VANGL2: variants seen among roughly 807,000 people sequenced by gnomAD.
VANGL2 encodes VANGL planar cell polarity protein 2.
VANGL2 carries 14 observed loss-of-function variants against 50.2 expected under a neutral mutation model. The observed-to-expected ratio is 0.28, with a 90% CI of 0.18 to 0.44. The LOEUF is 0.44. Ranked by LOEUF, VANGL2 falls within the 20% of genes least tolerant of loss-of-function variation. The probability of loss-of-function intolerance (pLI) is 1.00; values close to 1 mark genes in which losing one functional copy is unlikely to be tolerated. For missense variants in VANGL2, 533 were observed against 701.5 expected (o/e 0.76, Z 2.71); for synonymous variants, 295 against 297.2 (o/e 0.99, Z 0.08).
chr1:160,408,189 C>T (rs368064195), intron 1 of VANGL2, among the ~76,000 whole-genome samples: 17 of 151,252 alleles, frequency 1.1e-4, no homozygotes, highest in African/African-American at 2.7e-4. Context: ...AGAGAGACAG[C>T]GGAGCAGGTC....
intron 1 of VANGL2, among the ~76,000 whole-genome samples, chr1:160,403,955 C>G (rs760737953): frequency 1.3e-5 from 2 of 152,184 alleles, no homozygotes; most frequent in African/African-American, 4.8e-5. Flanking sequence ...CTTTTTGAAG[C>G]CTCACCTGTA....
intron 1 of VANGL2, among the ~76,000 whole-genome samples, chr1:160,407,500 CAA>C (rs1052551513): frequency 6.6e-6 from 1 of 152,182 alleles, no homozygotes; most frequent in African/African-American, 2.4e-5. Context: ...CCTCACAGCT[CAA>C]CTCTCCCCAT....
At chr1:160,418,405 G>T (rs908320108) in intron 3 of VANGL2, among the ~76,000 whole-genome samples, 2 of 151,648 alleles carry the variant, frequency 1.3e-5, no homozygotes, top group African/African-American at 4.8e-5. Flanking sequence ...AAATCATTTA[G>T]TTCAGTGATT....
At chr1:160,412,558 G>A (rs189561466) in intron 1 of VANGL2, among the ~76,000 whole-genome samples, 2 of 152,250 alleles carry the variant, frequency 1.3e-5, no homozygotes, top group African/African-American at 4.8e-5. Flanking sequence ...CAGGTAGGGG[G>A]ATAAATAAGG....
chr1:160,416,383 G>A (rs749073834), intron 3 of VANGL2, among the ~76,000 whole-genome samples: 1 of 152,184 alleles, frequency 6.6e-6, no homozygotes, highest in Non-Finnish European at 1.5e-5. Context: ...AGATCCCTCT[G>A]GAAGCAGCAG....
chr1:160,409,018 A>G (rs1205850977), intron 1 of VANGL2, among the ~76,000 whole-genome samples: 4 of 152,164 alleles, frequency 2.6e-5, no homozygotes, highest in Non-Finnish European at 5.9e-5. Context: ...GGGTGCAGGA[A>G]CCACCCCTTT....
intron 7 of VANGL2, 100 bp downstream of exon 7, chr1:160,424,383 A>G (rs12087593): frequency 0.29 from 333,261 of 1,152,268 alleles, 50,579 homozygotes; most frequent in African/African-American, 0.36. Context: ...CTCACTGTCC[A>G]CCTCATTTCT....
At chr1:160,417,148 G>C (rs1208259934) in intron 3 of VANGL2, among the ~76,000 whole-genome samples, 1 of 152,114 alleles carries the variant, frequency 6.6e-6, no homozygotes, top group Non-Finnish European at 1.5e-5. Context: ...CAGAGGGCGG[G>C]GAGCAGACCC....
intron 1 of VANGL2, among the ~76,000 whole-genome samples, chr1:160,406,761 G>A (rs987416672): frequency 1.3e-4 from 20 of 150,410 alleles, no homozygotes; most frequent in African/African-American, 4.7e-4. Context: ...AAACCGTTTC[G>A]CTCGTTGACT....
chr1:160,413,362 C>A (rs1405259588), intron 1 of VANGL2, among the ~76,000 whole-genome samples: 2 of 150,936 alleles, frequency 1.3e-5, no homozygotes, highest in African/African-American at 4.9e-5. Context: ...CTCACTGCAA[C>A]CTCCACCTCC....
intron 1 of VANGL2, among the ~76,000 whole-genome samples, chr1:160,412,557 G>T (rs1303844468): frequency 6.6e-6 from 1 of 152,090 alleles, no homozygotes; most frequent in Non-Finnish European, 1.5e-5. Context: ...TCAGGTAGGG[G>T]GATAAATAAG....
intron 3 of VANGL2, among the ~76,000 whole-genome samples, chr1:160,418,315 C>G (rs1258009063): frequency 1.3e-5 from 2 of 152,026 alleles, no homozygotes; most frequent in Non-Finnish European, 2.9e-5. Flanking sequence ...GCCTGAGGTT[C>G]CGCCTTTCTA....
At chr1:160,405,469 T>G (rs765641586) in intron 1 of VANGL2, among the ~76,000 whole-genome samples, 38 of 152,298 alleles carry the variant, frequency 2.5e-4, no homozygotes, top group Middle Eastern at 6.8e-3. Flanking sequence ...AGAGGCCCTT[T>G]ATGGTGGGGC....
intron 1 of VANGL2, among the ~76,000 whole-genome samples, chr1:160,406,945 C>T (rs1383021786): frequency 6.6e-6 from 1 of 152,128 alleles, no homozygotes; most frequent in Non-Finnish European, 1.5e-5. Flanking sequence ...TCAGGCTGGT[C>T]TGGAACTCCT....
chr1:160,425,452 C>A lies in VANGL2; in HGVS notation c.*74C>A. 9.4e-7 allele frequency: 1 copy of A among 1,068,766 alleles called. No homozygotes were observed. Among genetic ancestry groups the A allele is most frequent in the Non-Finnish European group, 1.3e-6 (1 of 769,562 alleles). The allele number at this position is 1,068,766 out of a possible 1,614,324, so 66.2% of individuals were successfully genotyped here. A position where few individuals can be genotyped will look rare whatever the true frequency, so the allele number is the denominator to read the frequency against. On this transcript the variant is annotated 3_prime_UTR_variant, in exon 8 of 8. Coordinates refer to ENST00000368061, the MANE Select transcript of VANGL2 (RefSeq NM_020335.3). ...TGGGAGGGGGCTTGGTTCTCAGGCC[C>A]AGCCACATTCCTGCCACCCTTCTTC...
At chr1:160,411,512 T>C (rs1264106456) in intron 1 of VANGL2, among the ~76,000 whole-genome samples, 1 of 151,926 alleles carries the variant, frequency 6.6e-6, no homozygotes, top group East Asian at 1.9e-4. Context: ...CTCTCCTCCC[T>C]CCTCCCAGGC....
chr1:160,419,134 G>T lies in VANGL2; in HGVS notation c.325G>T (p.Val109Leu). Residue 109 changes from valine (V) to leucine (L), a missense_variant, in exon 4 of 8, where the codon GTG (valine) becomes TTG (leucine). By Grantham distance (32) the Val-to-Leu change is conservative. Coordinates refer to ENST00000368061, the MANE Select transcript of VANGL2 (RefSeq NM_020335.3). This position sits in a 1 kb window ranked among gnomAD's most constrained non-coding sequence, Gnocchi z 5.8. Reference protein sequence around the residue: ...VPLDCSRHLGVAAGATLALLS... With the variant: ...VPLDCSRHLGLAAGATLALLS... Reference sequence around the variant, plus strand: ...TCTGGACTGCTCCCGTCACCTGGGTGTGGCAGCGGGGGCCACCCTGGCACT... The same window carrying T: ...TCTGGACTGCTCCCGTCACCTGGGTTTGGCAGCGGGGGCCACCCTGGCACT... The T allele has an allele frequency of 6.2e-7, 1 of 1,614,204 alleles. No individual in the cohort carries two copies. The highest frequency in any genetic ancestry group is 8.5e-7 in the Non-Finnish European group (1 of 1,180,028).
intron 1 of VANGL2, among the ~76,000 whole-genome samples, chr1:160,407,526 G>A (rs771376955): frequency 1.3e-5 from 2 of 152,160 alleles, no homozygotes; most frequent in Non-Finnish European, 2.9e-5. Context: ...CAGCAAGCCC[G>A]AGGTTGGCTA....
intron 1 of VANGL2, among the ~76,000 whole-genome samples, chr1:160,415,244 CT>C (rs1290502954): frequency 1.3e-5 from 2 of 152,206 alleles, no homozygotes; most frequent in Non-Finnish European, 2.9e-5. Flanking sequence ...AAGCCCGCTC[CT>C]TTCTGCTCTC....
Sources: gnomAD v4.1 joint callset for allele counts (sites outside exome capture counted in the v4.1 genomes callset) on GRCh38, gnomAD v4.1.1 for gene constraint, Gnocchi (gnomAD v3.1) non-coding constraint, MANE v1.5 for transcripts, NCBI Gene and HGNC (gene_info 2026-07-23, HGNC 2026-07-21) for gene names.